The following CFAP299 variants were observed in gnomAD, a reference collection of about 807,000 sequenced individuals.
CFAP299 encodes the protein cilia and flagella associated protein 299, also known as cilia- and flagella-associated protein 299.
CFAP299 carries 21 observed loss-of-function variants against 27.0 expected under a neutral mutation model. The ratio of observed to expected loss-of-function variants is 0.78; its 90% CI spans 0.55 to 1.12. The LOEUF is 1.12. Ranked by LOEUF, CFAP299 falls within the 50% of genes most tolerant of loss-of-function variation. The probability of loss-of-function intolerance (pLI) is 0.00; values close to 1 mark genes in which losing one functional copy is unlikely to be tolerated. For missense variants in CFAP299, 310 were observed against 276.6 expected (o/e 1.12, Z -0.86); for synonymous variants, 104 against 98.1 (o/e 1.06, Z -0.36).
At chr4:80,376,860 G>A (rs1049579857) in intron 2 of CFAP299, among the ~76,000 whole-genome samples, 3 of 152,110 alleles carry the variant, frequency 2.0e-5, no homozygotes, top group Non-Finnish European at 4.4e-5. Flanking sequence ...TAACCACATT[G>A]GCTAGGCTGG....
rs528262898 is a variant in CFAP299 at position 80,936,330 on chromosome 4, G to A, written c.477-8480G>A. ...ATATAAATCATTTTATGATATAAAT[G>A]CATGTGTATGTTCATTGCAGCACTA... is the stretch of plus-strand genomic sequence containing the variant. On this transcript the variant is annotated intron_variant, in intron 4 of 5. Transcript: ENST00000358105. Among the ~76,000 whole-genome samples the A allele has an allele frequency of 4.6e-5, 7 of 152,124 alleles. No individual in the cohort carries two copies. In the South Asian group the frequency reaches 1.5e-3, roughly 32 times the overall value.
intron 3 of CFAP299, among the ~76,000 whole-genome samples, chr4:80,674,812 A>G (rs1282946496): frequency 1.3e-5 from 2 of 152,098 alleles, no homozygotes; most frequent in African/African-American, 2.4e-5. Context: ...ACTTGATCGA[A>G]TCGGCTATTG....
chr4:80,614,713 T>C (rs1295664858), intron 3 of CFAP299, among the ~76,000 whole-genome samples: 1 of 152,260 alleles, frequency 6.6e-6, no homozygotes, highest in Non-Finnish European at 1.5e-5. Context: ...GCTTGCAATA[T>C]GGCTCTTTCT....
At chr4:80,389,267 C>G (rs1018212908) in intron 2 of CFAP299, among the ~76,000 whole-genome samples, 3 of 152,072 alleles carry the variant, frequency 2.0e-5, no homozygotes, top group Non-Finnish European at 4.4e-5. Context: ...CCTAGTATTA[C>G]AATAATGAAC....
chr4:80,448,100 G>C (rs1367252916), intron 2 of CFAP299, among the ~76,000 whole-genome samples: 1 of 152,178 alleles, frequency 6.6e-6, no homozygotes, highest in Non-Finnish European at 1.5e-5. Flanking sequence ...TCTCTGCTCA[G>C]ATTACCCCAC....
intron 4 of CFAP299, among the ~76,000 whole-genome samples, chr4:80,893,825 A>T (rs1191585999): frequency 6.6e-6 from 1 of 151,990 alleles, no homozygotes; most frequent in Non-Finnish European, 1.5e-5. Context: ...TTTAGATATG[A>T]ACCAGCAAGC....
At chr4:80,919,620 T>G (rs558668068) in intron 4 of CFAP299, among the ~76,000 whole-genome samples, 2 of 152,302 alleles carry the variant, frequency 1.3e-5, no homozygotes, top group African/African-American at 4.8e-5. Flanking sequence ...TCAATATGTT[T>G]GGATCATTTT....
At chr4:80,371,439 CT>C (rs1244468277) in intron 2 of CFAP299, among the ~76,000 whole-genome samples, 1 of 152,164 alleles carries the variant, frequency 6.6e-6, no homozygotes, top group Admixed American at 6.5e-5. Flanking sequence ...ATGAGTTTTT[CT>C]TTTCTATCAC....
intron 2 of CFAP299, among the ~76,000 whole-genome samples, chr4:80,446,254 G>C (rs1169214158): frequency 6.6e-6 from 1 of 152,132 alleles, no homozygotes; most frequent in Non-Finnish European, 1.5e-5. Context: ...ATAGGGGAGG[G>C]TCAGGGGAAA....
chr4:80,571,236 G>C (rs1311633078), intron 2 of CFAP299, among the ~76,000 whole-genome samples: 1 of 152,072 alleles, frequency 6.6e-6, no homozygotes, highest in Non-Finnish European at 1.5e-5. Flanking sequence ...ATAATCTTAT[G>C]AGTATATTAT....
chr4:80,611,029 G>A (rs947517047), intron 3 of CFAP299, among the ~76,000 whole-genome samples: 4 of 151,946 alleles, frequency 2.6e-5, no homozygotes, highest in Admixed American at 2.0e-4. Context: ...ATGGTAAACC[G>A]CAGGACCACA....
chr4:80,383,098 T>C (rs527643777), intron 2 of CFAP299, among the ~76,000 whole-genome samples: 134 of 152,190 alleles, frequency 8.8e-4, no homozygotes, highest in Non-Finnish European at 1.1e-3. Context: ...CCAAGTATTG[T>C]ATGTTCTCAC....
At chr4:80,668,606 G>T (rs1472177232) in intron 3 of CFAP299, among the ~76,000 whole-genome samples, 2 of 152,040 alleles carry the variant, frequency 1.3e-5, no homozygotes, top group Non-Finnish European at 2.9e-5. Flanking sequence ...AAATGAGTTG[G>T]CTGTAAATAT....
At chr4:80,393,513 G>T (rs138109120) in intron 2 of CFAP299, among the ~76,000 whole-genome samples, 19 of 152,100 alleles carry the variant, frequency 1.2e-4, no homozygotes, top group African/African-American at 3.1e-4. Flanking sequence ...CCCTATACAT[G>T]TATATAATTT....
At chr4:80,324,209 T>C in the CFAP299 span, among the ~76,000 whole-genome samples, 2 of 152,180 alleles carry the variant, frequency 1.3e-5, no homozygotes, top group Non-Finnish European at 2.9e-5. Flanking sequence ...ACGATATTCT[T>C]AAACTACATT....
intron 2 of CFAP299, among the ~76,000 whole-genome samples, chr4:80,473,968 G>A (rs948196055): frequency 2.0e-5 from 3 of 152,062 alleles, no homozygotes; most frequent in Non-Finnish European, 4.4e-5. Flanking sequence ...TAATTCTTTT[G>A]GGTATTTAAA....
chr4:80,413,826 T>TG (rs1726858700), intron 2 of CFAP299, among the ~76,000 whole-genome samples: 2 of 147,166 alleles, frequency 1.4e-5, no homozygotes, highest in South Asian at 4.4e-4. Flanking sequence ...AAATGACTGT[T>TG]GCAGTGTTTT....
chr4:80,590,596 C>T (rs1202740432), intron 3 of CFAP299, among the ~76,000 whole-genome samples: 1 of 152,172 alleles, frequency 6.6e-6, no homozygotes, highest in Non-Finnish European at 1.5e-5. Flanking sequence ...GAGATCAAGC[C>T]ACTGCACTTC....
intron 2 of CFAP299, among the ~76,000 whole-genome samples, chr4:80,369,692 A>G (rs1488740668): frequency 6.6e-6 from 1 of 152,226 alleles, no homozygotes; most frequent in African/African-American, 2.4e-5. Flanking sequence ...TCCTGGGCAC[A>G]AGATGCCCAA....
Sources: gnomAD v4.1 joint callset for allele counts (sites outside exome capture counted in the v4.1 genomes callset) on GRCh38, gnomAD v4.1.1 for gene constraint, MANE v1.5 for transcripts, NCBI Gene and HGNC (gene_info 2026-07-23, HGNC 2026-07-21) for gene names.